Variants in DPP8 observed in about 807,000 individuals in gnomAD.
DPP8 encodes the protein dipeptidyl peptidase 8, also known as DPP VIII.
Under a neutral mutation model 107.5 loss-of-function variants are expected in DPP8, and 31 were observed. The observed-to-expected ratio is 0.29, with a 90% CI of 0.22 to 0.39. DPP8 has a LOEUF of 0.39. Among genes scored for constraint, DPP8 ranks in the 10% least tolerant of loss-of-function variants. The pLI is 1.00. For synonymous variants in DPP8, 381 were observed against 356.6 expected, an observed-to-expected ratio of 1.07 and a Z score of -0.77; for missense variants, 842 against 1,076.1, an observed-to-expected ratio of 0.78 and a Z score of 3.04.
chr15:65,442,723 C>T lies in DPP8; in HGVS notation c.*4161G>A, dbSNP rs919987305. The T allele has an allele frequency of 2.6e-5, 4 of 152,138 alleles. No individual in the cohort carries two copies. Among genetic ancestry groups the T allele is most frequent in the African/African-American group, 9.7e-5 (4 of 41,430 alleles). 9.4% of individuals were successfully genotyped at this position (152,138 alleles called of 1,614,324 possible). ...TTGGGGTTACTTAAAAACAAACATA[C>T]AAACACTACTTTTTCTTTATCTGTA... On this transcript the variant is annotated 3_prime_UTR_variant, in exon 20 of 20. Coordinates refer to ENST00000300141, the MANE Select transcript of DPP8 (RefSeq NM_130434.5).
At chr15:65,468,750 A>T (rs2065583645) in intron 12 of DPP8, among the ~76,000 whole-genome samples, 1 of 152,188 alleles carries the variant, frequency 6.6e-6, no homozygotes, top group Admixed American at 6.6e-5. Context: ...TTTGCAAAAG[A>T]TCAGGACTCA....
chr15:65,463,223 T>C (rs975320341), intron 15 of DPP8, among the ~76,000 whole-genome samples: 7 of 152,166 alleles, frequency 4.6e-5, no homozygotes, highest in Non-Finnish European at 7.4e-5. Flanking sequence ...CACAGAACTA[T>C]AGTCCACACT....
At chr15:65,516,441 A>T (rs1284521100) in intron 1 of DPP8, 1 of 152,176 alleles carries the variant, frequency 6.6e-6, no homozygotes, top group East Asian at 1.9e-4. Context: ...AGGAAAAAAA[A>T]AAAAAGGAAG....
chr15:65,478,479 C>A (rs2140700661), intron 11 of DPP8, among the ~76,000 whole-genome samples: 1 of 152,312 alleles, frequency 6.6e-6, no homozygotes, highest in East Asian at 1.9e-4. Flanking sequence ...AGGCTGGTCT[C>A]AAACTCCTGA....
Position 65,487,900 on chromosome 15 carries a change from A to G in DPP8, c.827-82T>C, listed in dbSNP as rs2067596855. ...AACCAACCGTTCCTTCTAGTATCAGATTTCTTATAGTGAAGAATAACTTAT... is the reference window on the plus strand; with the variant it reads ...AACCAACCGTTCCTTCTAGTATCAGGTTTCTTATAGTGAAGAATAACTTAT... On this transcript the variant is annotated intron_variant, in intron 6 of 19. Coordinates refer to ENST00000300141, the MANE Select transcript of DPP8 (RefSeq NM_130434.5). The G allele has an allele frequency of 7.4e-6, 7 of 951,872 alleles. No individual in the cohort carries two copies. The East Asian group carries it at 1.5e-4, about 21-fold the overall frequency. The allele number at this position is 951,872 out of a possible 1,614,324, so 59.0% of individuals were successfully genotyped here.
intron 10 of DPP8, among the ~76,000 whole-genome samples, chr15:65,479,903 C>CT (rs2066756894): frequency 6.8e-6 from 1 of 147,054 alleles, no homozygotes; most frequent in Non-Finnish European, 1.5e-5. Context: ...TACAGTTTAC[C>CT]AACATAAAAG....
At chr15:65,506,984 G>GT (rs1567287945) in intron 3 of DPP8, among the ~76,000 whole-genome samples, 1 of 151,978 alleles carries the variant, frequency 6.6e-6, no homozygotes, top group Non-Finnish European at 1.5e-5. Context: ...TTTAAAAAAT[G>GT]TGAGAACTAC....
intron 1 of DPP8, among the ~76,000 whole-genome samples, chr15:65,513,245 G>A (rs530292465): frequency 6.7e-6 from 1 of 149,488 alleles, no homozygotes; most frequent in Non-Finnish European, 1.5e-5. Flanking sequence ...ACGGAGTCTC[G>A]CTCTGTTACC....
chr15:65,497,763 A>T, intron 5 of DPP8, 101 bp downstream of exon 5: 1 of 939,746 alleles, frequency 1.1e-6, no homozygotes, highest in Middle Eastern at 2.7e-4. Flanking sequence ...TTTCAAATAT[A>T]AAGATCACCC....
chr15:65,514,956 G>C (rs183471550), intron 1 of DPP8, among the ~76,000 whole-genome samples: 1 of 152,200 alleles, frequency 6.6e-6, no homozygotes, highest in South Asian at 2.1e-4. Context: ...CTGGGGAACA[G>C]AATAGGGAAG....
chr15:65,501,887 A>G (rs2069274752), intron 3 of DPP8, among the ~76,000 whole-genome samples: 1 of 151,992 alleles, frequency 6.6e-6, no homozygotes, highest in Admixed American at 6.6e-5. Context: ...TTTCACAGTG[A>G]TTTCTTTCTT....
intron 1 of DPP8, among the ~76,000 whole-genome samples, chr15:65,514,805 C>A (rs1303282281): frequency 6.6e-6 from 1 of 152,136 alleles, no homozygotes; most frequent in African/African-American, 2.4e-5. Flanking sequence ...CCACCGTGCC[C>A]GGCCAACGGA....
chr15:65,498,607 AAG>A (rs1394823480), intron 4 of DPP8, among the ~76,000 whole-genome samples: 2 of 152,194 alleles, frequency 1.3e-5, no homozygotes, highest in Non-Finnish European at 2.9e-5. Context: ...CAACCTGTTT[AAG>A]AGAGTAATTA....
At chr15:65,453,456 T>G (rs1290578442) in intron 17 of DPP8, among the ~76,000 whole-genome samples, 1 of 151,866 alleles carries the variant, frequency 6.6e-6, no homozygotes. Flanking sequence ...CACACATACA[T>G]ATATATATAT....
chr15:65,499,357 C>T (rs936582217), intron 4 of DPP8, among the ~76,000 whole-genome samples: 20 of 151,768 alleles, frequency 1.3e-4, no homozygotes, highest in African/African-American at 3.9e-4. Flanking sequence ...TTCAGCCTCC[C>T]GAGTAGCTAG....
chr15:65,482,879 A>C (rs2067058387), intron 8 of DPP8, among the ~76,000 whole-genome samples: 1 of 150,202 alleles, frequency 6.7e-6, no homozygotes, highest in Non-Finnish European at 1.5e-5. Flanking sequence ...GGCAAATCAC[A>C]AGGTCAGGAG....
At chr15:65,482,383 G>A (rs2067010261) in intron 8 of DPP8, among the ~76,000 whole-genome samples, 1 of 151,980 alleles carries the variant, frequency 6.6e-6, no homozygotes, top group Non-Finnish European at 1.5e-5. Context: ...CCGGGTTTAA[G>A]TGATTCTCCT....
intron 12 of DPP8, among the ~76,000 whole-genome samples, chr15:65,468,688 T>G (rs966722374): frequency 2.0e-5 from 3 of 152,076 alleles, no homozygotes; most frequent in African/African-American, 7.2e-5. Context: ...ACAGAAAGCA[T>G]ACAAATGATA....
chr15:65,450,341 T>A (rs1338386509), intron 19 of DPP8, among the ~76,000 whole-genome samples: 1 of 152,186 alleles, frequency 6.6e-6, no homozygotes, highest in Admixed American at 6.6e-5. Flanking sequence ...TTGATTGATA[T>A]AATTGACATA....
Sources: allele counts gnomAD v4.1 joint callset (sites outside exome capture counted in the v4.1 genomes callset), GRCh38; gene constraint gnomAD v4.1.1; transcripts MANE v1.5; gene names NCBI Gene and HGNC (gene_info 2026-07-23, HGNC 2026-07-21).